FOXP1: variants seen among roughly 807,000 people sequenced by gnomAD.
FOXP1 encodes forkhead box protein P1.
FOXP1 carries 15 observed loss-of-function variants against 98.2 expected under a neutral mutation model. The ratio of observed to expected loss-of-function variants is 0.15; its 90% CI spans 0.10 to 0.24. FOXP1 has a LOEUF of 0.24. Among genes scored for constraint, FOXP1 ranks in the 10% least tolerant of loss-of-function variants. The pLI, the probability that FOXP1 is intolerant of heterozygous loss-of-function variation, is 1.00. For synonymous variants in FOXP1, 371 were observed against 314.5 expected (o/e 1.18, Z -1.90); for missense variants, 633 against 848.5 (o/e 0.75, Z 3.15).
intron 11 of FOXP1, among the ~76,000 whole-genome samples, chr3:71,034,781 C>T (rs556235759): frequency 9.2e-5 from 14 of 152,216 alleles, no homozygotes; most frequent in Admixed American, 7.2e-4. Flanking sequence ...GTCAAGGTCT[C>T]GTGGTAGCTC....
chr3:71,216,012 C>A (rs1017680228), intron 5 of FOXP1, among the ~76,000 whole-genome samples: 1 of 152,204 alleles, frequency 6.6e-6, no homozygotes, highest in Admixed American at 6.5e-5. Flanking sequence ...TAGCATCCTG[C>A]ACCTTATACT....
intron 6 of FOXP1, among the ~76,000 whole-genome samples, chr3:71,113,041 G>A (rs1363611561): frequency 1.3e-5 from 2 of 152,072 alleles, no homozygotes; most frequent in African/African-American, 2.4e-5. Context: ...TTCTTCTTGG[G>A]GAAATGTAGC....
chr3:71,364,831 TTAAC>T (rs2078807846), intron 3 of FOXP1, among the ~76,000 whole-genome samples: 3 of 152,250 alleles, frequency 2.0e-5, no homozygotes, highest in Admixed American at 1.3e-4. Flanking sequence ...TGAGATCATA[TTAAC>T]TGTTAACTAA....
At chr3:71,396,404 C>A (rs1303247803) in intron 3 of FOXP1, among the ~76,000 whole-genome samples, 3 of 152,150 alleles carry the variant, frequency 2.0e-5, no homozygotes, top group Non-Finnish European at 4.4e-5. Context: ...CTATTATCAT[C>A]TCCATTTTGT....
At chr3:71,108,086 T>C (rs1446712319) in intron 7 of FOXP1, among the ~76,000 whole-genome samples, 1 of 152,208 alleles carries the variant, frequency 6.6e-6, no homozygotes, top group Non-Finnish European at 1.5e-5. Context: ...ATCAGATGAC[T>C]GGCTTCAGGT....
At chr3:71,104,269 G>A (rs530290289) in intron 7 of FOXP1, among the ~76,000 whole-genome samples, 1 of 152,148 alleles carries the variant, frequency 6.6e-6, no homozygotes, top group African/African-American at 2.4e-5. Context: ...AAGGAAACTC[G>A]AGCCATCTTT....
At chr3:71,441,626 C>CAGT (rs2085951941) in intron 3 of FOXP1, among the ~76,000 whole-genome samples, 1 of 152,214 alleles carries the variant, frequency 6.6e-6, no homozygotes, top group Admixed American at 6.5e-5. Flanking sequence ...TGTCCAAAGT[C>CAGT]AGTACCACTG....
At chr3:70,972,767 G>A in intron 17 of FOXP1, 91 bp from the exon 18 acceptor site, 1 of 1,323,430 alleles carries the variant, frequency 7.6e-7, no homozygotes, top group Non-Finnish European at 1.1e-6. Flanking sequence ...GTCCACATTT[G>A]TAAAACCATC....
chr3:71,008,386 G>T (rs114652386), intron 12 of FOXP1, among the ~76,000 whole-genome samples: 2,485 of 152,304 alleles, frequency 0.016, 27 homozygotes, highest in Non-Finnish European at 0.026. Context: ...AAGGACTCAA[G>T]TGGGGAGAAG....
chr3:70,999,927 C>T (rs1024209609), intron 13 of FOXP1, among the ~76,000 whole-genome samples: 5 of 152,244 alleles, frequency 3.3e-5, no homozygotes, highest in South Asian at 2.1e-4. Flanking sequence ...TTCCCCTAGT[C>T]GGCTAACCTC....
chr3:71,432,759 A>G (rs1048077076), intron 3 of FOXP1, among the ~76,000 whole-genome samples: 2 of 151,198 alleles, frequency 1.3e-5, no homozygotes, highest in African/African-American at 2.4e-5. Flanking sequence ...CAGCATTTAC[A>G]TTCATTTTCA....
intron 5 of FOXP1, among the ~76,000 whole-genome samples, chr3:71,253,923 C>T (rs781721699): frequency 2.6e-5 from 4 of 152,080 alleles, no homozygotes; most frequent in Non-Finnish European, 4.4e-5. Flanking sequence ...GAGGTAGTTA[C>T]GATTTTAAAA....
chr3:71,094,624 C>T (rs2056278390), intron 7 of FOXP1, among the ~76,000 whole-genome samples: 1 of 152,186 alleles, frequency 6.6e-6, no homozygotes, highest in Non-Finnish European at 1.5e-5. Flanking sequence ...GTGCTTCCCA[C>T]TAAAAGTTTC....
chr3:71,267,479 T>A (rs2069811000), intron 5 of FOXP1, among the ~76,000 whole-genome samples: 1 of 152,142 alleles, frequency 6.6e-6, no homozygotes, highest in Non-Finnish European at 1.5e-5. Flanking sequence ...TAGAACTGCA[T>A]CTGCGAGTAG....
intron 5 of FOXP1, among the ~76,000 whole-genome samples, chr3:71,262,641 A>G (rs2069270643): frequency 6.6e-6 from 1 of 152,142 alleles, no homozygotes; most frequent in African/African-American, 2.4e-5. Context: ...CATTCCCCTC[A>G]TTGAGTGAGG....
intron 7 of FOXP1, among the ~76,000 whole-genome samples, chr3:71,054,777 G>C (rs1576465491): frequency 6.6e-6 from 1 of 151,846 alleles, no homozygotes; most frequent in Non-Finnish European, 1.5e-5. Context: ...AAAAAACAAT[G>C]AAAGAAAAGA....
rs2069652251 is a variant in FOXP1 at position 71,266,307 on chromosome 3, T to G, written c.-12+33513A>C. Among the ~76,000 whole-genome samples, 6 of 152,238 alleles carry G rather than the reference T, an allele frequency of 3.9e-5. No homozygotes were observed. The South Asian group carries it at 1.2e-3, about 32-fold the overall frequency. On this transcript the variant is annotated intron_variant, in intron 5 of 20. Coordinates refer to ENST00000649528, the MANE Select transcript of FOXP1 (RefSeq NM_001349338.3). ...GTTGCCCAGGCTGGATGGAGCACAG[T>G]GGCTTGATCTCAGCTCACTGCAACC...
chr3:71,122,192 T>C, intron 6 of FOXP1, among the ~76,000 whole-genome samples: 1 of 152,200 alleles, frequency 6.6e-6, no homozygotes, highest in East Asian at 1.9e-4. Context: ...AAGTCACACA[T>C]ACTCGGGATG....
chr3:70,965,389 G>A (rs1374760313), intron 20 of FOXP1, among the ~76,000 whole-genome samples: 1 of 152,122 alleles, frequency 6.6e-6, no homozygotes, highest in Non-Finnish European at 1.5e-5. Flanking sequence ...TTTTCCTTTT[G>A]ATATTTTAAG....
Sources: allele counts gnomAD v4.1 joint callset (sites outside exome capture counted in the v4.1 genomes callset), GRCh38; gene constraint gnomAD v4.1.1; transcripts MANE v1.5; gene names NCBI Gene and HGNC (gene_info 2026-07-23, HGNC 2026-07-21).